Variants in SPTBN5 observed in about 807,000 individuals in gnomAD.
SPTBN5 encodes spectrin beta chain, non-erythrocytic 5.
A neutral mutation model predicts 477.6 loss-of-function variants in SPTBN5; 513 were observed. The ratio of observed to expected loss-of-function variants is 1.07; its 90% CI spans 1.00 to 1.16. SPTBN5 has a LOEUF of 1.16. Ranked by LOEUF, SPTBN5 falls within the 50% of genes most tolerant of loss-of-function variation. The pLI is 0.00. For missense variants in SPTBN5, 5,062 were observed against 4,731.8 expected, an observed-to-expected ratio of 1.07 and a Z score of -2.05; for synonymous variants, 2,169 against 2,011.7, an observed-to-expected ratio of 1.08 and a Z score of -2.09.
At position 41,863,900 on chromosome 15, in the gene SPTBN5, G is replaced by A; in HGVS notation, c.7034+9C>T. On this transcript the variant is annotated intron_variant, in intron 40 of 67. Transcript: ENST00000320955. ...CCGGCCCTTTGGTTCTCCCCAGCCTGGGACTGGCCTGTTGTTGAGCTGGCT... is the reference window on the plus strand; with the variant it reads ...CCGGCCCTTTGGTTCTCCCCAGCCTAGGACTGGCCTGTTGTTGAGCTGGCT... The A allele has an allele frequency of 6.2e-7, 1 of 1,613,686 alleles. No homozygotes were observed.
Position 41,857,056 on chromosome 15 carries a change from TG to T in SPTBN5, c.8622-18del. 6.3e-7 allele frequency: 1 copy of T among 1,593,302 alleles called. No individual in the cohort carries two copies. Among genetic ancestry groups the T allele is most frequent in the Non-Finnish European group, 8.5e-7 (1 of 1,170,408 alleles). On this transcript the variant is annotated intron_variant, in intron 51 of 67. Coordinates refer to ENST00000320955, the MANE Select transcript of SPTBN5 (RefSeq NM_016642.4). ...CTCTTGAACCTGCAGCGGTGGAGGG[TG>T]GGACCAAGGGAGGCAGGGACCAGGG...
At chr15:41,851,710 G>T in intron 63 of SPTBN5, 69 bp downstream of exon 63, 1 of 1,207,852 alleles carries the variant, frequency 8.3e-7, no homozygotes, top group Non-Finnish European at 1.2e-6. Flanking sequence ...GGCCCAGATG[G>T]CTCTTCGAGC....
intron 41 of SPTBN5, 136 bp from the exon 42 acceptor site, chr15:41,863,039 G>A: frequency 5.2e-6 from 4 of 764,794 alleles, no homozygotes; most frequent in Non-Finnish European, 8.6e-6. Context: ...TTGAGGGCCA[G>A]AGATCTCTTC....
At chr15:41,873,391 G>A in intron 26 of SPTBN5, 101 bp downstream of exon 26, 1 of 905,626 alleles carries the variant, frequency 1.1e-6, no homozygotes, top group Non-Finnish European at 1.7e-6. Context: ...CAGGAAGCAA[G>A]AGCAGGGCTC....
At chr15:41,886,672 C>G (rs1281875202) in intron 6 of SPTBN5, among the ~76,000 whole-genome samples, 1 of 152,168 alleles carries the variant, frequency 6.6e-6, no homozygotes, top group African/African-American at 2.4e-5. Flanking sequence ...TCTAGGCCGC[C>G]TTTCCCTTCC....
At position 41,861,400 on chromosome 15, in the gene SPTBN5, A is replaced by C. The variant is rs1397260007; in HGVS notation, c.7815+19T>G. On this transcript the variant is annotated intron_variant, in intron 46 of 67. Transcript: ENST00000320955. ...CTCTGGTAATTCCCCCCTCCTGCCC[A>C]TTCCTGCTGGGCACCTACCCATAGA... The C allele has an allele frequency of 2.5e-6, 4 of 1,608,710 alleles. No homozygotes were observed. The South Asian group carries it at 4.4e-5, about 18-fold the overall frequency.
In SPTBN5 at chr15:41,890,173, G is replaced by A. The variant is rs761238425; in HGVS notation, c.417C>T (p.Ile139=). 49 of 1,612,846 alleles carry A rather than the reference G, an allele frequency of 3.0e-5. No individual in the cohort carries two copies. Among genetic ancestry groups the A allele is most frequent in the Middle Eastern group, 3.3e-4 (2 of 6,084 alleles). ...GGATGAGTGTCTGGTCTCCGTCCAC[G>A]ATGTTCTCTGGCCCGATGAGTGGTA... ...VPVPLIGPEN[I]VDGDQTLILG... is the part of the protein sequence containing the mutation. Residue 139 remains isoleucine (I), a synonymous_variant, in exon 4 of 68, where the codon ATC becomes ATT. Transcript: ENST00000320955.
Position 41,866,343 on chromosome 15 carries a change from C to A in SPTBN5, c.6630+1G>T. The stretch of plus-strand genomic sequence containing the variant: ...CATGGGGCTGAGGGCCCGGTTGTTA[C>A]CTTGGCAACAGAGGTCATGACCTCC... On this transcript the variant is annotated splice_donor_variant, in intron 37 of 67. Transcript: ENST00000320955. LOFTEE classifies it high-confidence loss of function. 6.3e-7 allele frequency: 1 copy of A among 1,587,518 alleles called. No homozygotes were observed. Among genetic ancestry groups the A allele is most frequent in the South Asian group, 1.1e-5 (1 of 87,866 alleles).
intron 9 of SPTBN5, 117 bp from the exon 10 acceptor site, chr15:41,882,855 C>T: frequency 2.1e-6 from 3 of 1,408,642 alleles, no homozygotes; most frequent in Non-Finnish European, 2.9e-6. Flanking sequence ...CTGGATGACT[C>T]AACAGGTGAG....
In SPTBN5 at chr15:41,883,011, G is replaced by A; in HGVS notation, c.1877C>T (p.Ala626Val). ...TLAQLQQSLV[A>V]LVRARRALLE... ...AGGCTCTTACCGGGCCCTGACAAGA[G>A]CCACCAGGCTCTGTTGGAGCTGGGC... The change falls in exon 9 of 68, where the codon GCT becomes GTT. Residue 626 changes from alanine to valine, a missense_variant. Transcript: ENST00000320955. The A allele has an allele frequency of 2.6e-6, 4 of 1,545,404 alleles. No homozygotes were observed. The highest frequency in any genetic ancestry group is 3.5e-6 in the Non-Finnish European group (4 of 1,149,096).
intron 5 of SPTBN5, 37 bp from the exon 6 acceptor site, chr15:41,887,478 A>T: frequency 1.4e-6 from 2 of 1,472,476 alleles, no homozygotes; most frequent in Non-Finnish European, 1.9e-6. Flanking sequence ...CACCAGCAGG[A>T]ACCTACTGCT....
At position 41,850,862 on chromosome 15, in the gene SPTBN5, C is replaced by A. The variant is rs758325188; in HGVS notation, c.10913G>T (p.Ser3638Ile). 1.2e-5 allele frequency: 19 copies of A among 1,596,986 alleles called. No individual in the cohort carries two copies. In the Admixed American group the frequency reaches 1.4e-4, roughly 12 times the overall value. The change falls in exon 66 of 68, where the codon AGC (serine) becomes ATC (isoleucine). Residue 3638 changes from serine to isoleucine, a missense_variant. By Grantham distance (142) the Ser-to-Ile change is moderately radical. Transcript: ENST00000320955. ...QAESWWRALG[S>I]TAAQSLSPKL... ...CTTCCCCTGAAGCCCACCTGCAGTGCTGCCCAGGGCTCGCCACCAGCTCTC... is the reference window on the plus strand; with the variant it reads ...CTTCCCCTGAAGCCCACCTGCAGTGATGCCCAGGGCTCGCCACCAGCTCTC...
At position 41,883,203 on chromosome 15, in the gene SPTBN5, C is replaced by T. The variant is rs2067035115; in HGVS notation, c.1685G>A (p.Gly562Glu). 1 of 1,611,618 alleles carries T rather than the reference C, an allele frequency of 6.2e-7. No homozygotes were observed. The highest frequency in any genetic ancestry group is 8.5e-7 in the Non-Finnish European group (1 of 1,179,234). ...CTCCACCACTTCTGCCAGCTGCTGC[C>T]CACAGGCGGTGGACCTGGCCGGCTC... The part of the protein sequence containing the change: ...LQEPARSTAC[G>E]QQLAEVVELL... Residue 562 changes from glycine (G) to glutamate (E), a missense_variant, in exon 9 of 68, where the codon GGG (glycine) becomes GAG (glutamate). Gly to Glu is a moderately conservative substitution (Grantham distance 98). Transcript: ENST00000320955.
At chr15:41,853,866 C>T (rs1404384151) in intron 57 of SPTBN5, 79 bp from the exon 58 acceptor site, 2 of 1,445,552 alleles carry the variant, frequency 1.4e-6, no homozygotes, top group South Asian at 1.3e-5. Flanking sequence ...CACCAGGCCT[C>T]TCTGAGGAAC....
At chr15:41,852,513 G>A in intron 61 of SPTBN5, 121 bp downstream of exon 61, 12 of 1,332,078 alleles carry the variant, frequency 9.0e-6, no homozygotes, top group Non-Finnish European at 1.2e-5. Context: ...CAGCTGGCCA[G>A]GGAAAGGAGC....
intron 5 of SPTBN5, 32 bp downstream of exon 5, chr15:41,887,896 G>A (rs1385937946): frequency 3.1e-6 from 5 of 1,591,576 alleles, no homozygotes; most frequent in Admixed American, 1.7e-5. Context: ...GGCTCAGTGG[G>A]CAGAGGCCTC....
In SPTBN5 at chr15:41,851,071, G is replaced by C; in HGVS notation, c.10823C>G (p.Thr3608Arg). 3 of 1,612,198 alleles carry C rather than the reference G, an allele frequency of 1.9e-6. No individual in the cohort carries two copies. The highest frequency in any genetic ancestry group is 2.5e-6 in the Non-Finnish European group (3 of 1,179,534). ...RLRGRHGRKHTFSLRLTSGAE... is the reference protein window; with the variant it reads ...RLRGRHGRKHRFSLRLTSGAE... ...TCTCTCCGCTCACCTTAAGGAGAAT[G>C]TGTGTTTCCTGCCGTGGCGGCCCCG... is the stretch of plus-strand genomic sequence containing the variant. The change falls in exon 65 of 68, where the codon ACA (threonine) becomes AGA (arginine). Residue 3608 changes from threonine to arginine, a missense_variant. By Grantham distance (71) the Thr-to-Arg change is moderately conservative. Transcript: ENST00000320955.
At chr15:41,848,711 C>T (rs1204874151) in intron 67 of SPTBN5, 83 bp from the exon 68 acceptor site, 6 of 1,504,810 alleles carry the variant, frequency 4.0e-6, no homozygotes, top group Admixed American at 1.7e-5. Flanking sequence ...TGCCCCTGCC[C>T]TCCCCTGGAC....
chr15:41,882,838 C>A, intron 9 of SPTBN5, 100 bp from the exon 10 acceptor site: 1 of 1,456,864 alleles, frequency 6.9e-7, no homozygotes, highest in South Asian at 1.3e-5. Context: ...CAGGATTTTT[C>A]TTTTCCCTGG....
Sources: gnomAD v4.1 joint callset for allele counts (sites outside exome capture counted in the v4.1 genomes callset) on GRCh38, gnomAD v4.1.1 for gene constraint, MANE v1.5 for transcripts, NCBI Gene and HGNC (gene_info 2026-07-23, HGNC 2026-07-21) for gene names.